NHSL2: variants seen among roughly 807,000 people sequenced by gnomAD.
NHSL2 encodes NHS like 2, also known as NHS-like protein 2.
NHSL2 carries 27 observed loss-of-function variants against 53.4 expected under a neutral mutation model. That is an observed-to-expected ratio of 0.51 (90% CI 0.37 to 0.70). The LOEUF (loss-of-function observed/expected upper bound fraction) is 0.70. Ranked by LOEUF, NHSL2 falls within the 30% of genes least tolerant of loss-of-function variation. The probability of loss-of-function intolerance (pLI) is 0.00; values close to 1 mark genes in which losing one functional copy is unlikely to be tolerated. For synonymous variants in NHSL2, 408 were observed against 404.1 expected, an observed-to-expected ratio of 1.01 and a Z score of -0.12; for missense variants, 892 against 980.1, an observed-to-expected ratio of 0.91 and a Z score of 1.20.
rs886801063 is a variant in NHSL2 at position 72,046,451 on chromosome X, G to A, written c.281-85628G>A. 9.8e-5 allele frequency among the ~76,000 whole-genome samples: 11 copies of A among 112,378 alleles called. No homozygotes were observed. The Admixed American group carries it at 1.0e-3, about 11-fold the overall frequency. ...ATACTCCTTGTACCTCCTGAGGGCT[G>A]ATATGAGAGCAAACTAACTAATCAG... is the stretch of plus-strand genomic sequence containing the variant. On this transcript the variant is annotated intron_variant, in intron 1 of 7. Transcript: ENST00000633930.
At chrX:71,983,013 T>G (rs775116871) in intron 1 of NHSL2, among the ~76,000 whole-genome samples, 1 of 111,801 alleles carries the variant, frequency 8.9e-6, no homozygotes, top group Admixed American at 9.5e-5. Flanking sequence ...TGGGATATGA[T>G]GCTATCTTCA....
Position 71,964,025 on chromosome X carries a change from G to GTATATACATATATATA in NHSL2, c.280+52659_280+52660insATATACATATATATAT, listed in dbSNP as rs2041886704. ...CATATATATATGTATATATATATATGTGTATATATATATATATGTATATAT... is the reference window on the plus strand; with the variant it reads ...CATATATATATGTATATATATATATGTATATACATATATATATGTATATATATATATATGTATATAT... On this transcript the variant is annotated intron_variant, in intron 1 of 7. Transcript: ENST00000633930. Among the ~76,000 whole-genome samples the GTATATACATATATATA allele has an allele frequency of 4.8e-4, 3 of 6,261 alleles. 1 individual carries two copies. The highest frequency in any genetic ancestry group is 1.4e-3 in the Non-Finnish European group (3 of 2,155). 5.4% of individuals were successfully genotyped at this position (6,261 alleles called of 115,157 possible).
At chrX:71,916,718 T>C (rs1230785921) in intron 1 of NHSL2, among the ~76,000 whole-genome samples, 2 of 112,424 alleles carry the variant, frequency 1.8e-5, no homozygotes, top group Non-Finnish European at 3.8e-5. Context: ...AGATGGAATT[T>C]GGACTTTTAG....
intron 1 of NHSL2, among the ~76,000 whole-genome samples, chrX:71,984,167 C>G (rs2041992831): frequency 9.0e-6 from 1 of 111,400 alleles, no homozygotes. Context: ...TCCTGTCTAA[C>G]TATTAGATCT....
chrX:72,139,080 A>G lies in NHSL2; in HGVS notation c.1532A>G (p.Asp511Gly), dbSNP rs148063883. Residue 511 changes from aspartate (D) to glycine (G), a missense_variant, in exon 6 of 8, where the codon GAC (aspartate) becomes GGC (glycine). Transcript: ENST00000633930. ...ACAGACTCAGGCACCACAGATGTGGACTATGATGAGGAGCAGAAGGCCAAT... is the reference window on the plus strand; with the variant it reads ...ACAGACTCAGGCACCACAGATGTGGGCTATGATGAGGAGCAGAAGGCCAAT... ...VPTDSGTTDV[D>G]YDEEQKANEA... 3.4e-6 allele frequency: 4 copies of G among 1,168,673 alleles called. No homozygotes were observed. The African/African-American group carries it at 7.1e-5, about 21-fold the overall frequency.
chrX:71,945,420 G>C, intron 1 of NHSL2, among the ~76,000 whole-genome samples: 1 of 111,966 alleles, frequency 8.9e-6, no homozygotes, highest in African/African-American at 3.2e-5. Context: ...GTGCGTTACT[G>C]TGTGGAGACC....
At position 72,143,678 on chromosome X, in the gene NHSL2, CTTTTA is replaced by C; in HGVS notation, c.*106_*110del. 1.9e-6 allele frequency: 1 copy of C among 519,174 alleles called. No homozygotes were observed. Among genetic ancestry groups the C allele is most frequent in the Admixed American group, 4.2e-5 (1 of 24,088 alleles). 42.8% of individuals were successfully genotyped at this position (519,174 alleles called of 1,213,427 possible). A position where few individuals can be genotyped will look rare whatever the true frequency, so the allele number is the denominator to read the frequency against. On this transcript the variant is annotated 3_prime_UTR_variant, in exon 8 of 8. Transcript: ENST00000633930. ...CATGGGAACAACAGAGCCTACATTT[CTTTTA>C]TATTAACTCACACTCTGGACAGCAG...
intron 1 of NHSL2, among the ~76,000 whole-genome samples, chrX:72,057,034 T>G (rs1213481048): frequency 8.9e-6 from 1 of 112,609 alleles, no homozygotes; most frequent in Non-Finnish European, 1.9e-5. Flanking sequence ...GAACCCAGGC[T>G]GGAGCACGTT....
At chrX:72,074,555 G>A (rs140922302) in intron 1 of NHSL2, among the ~76,000 whole-genome samples, 205 of 112,297 alleles carry the variant, frequency 1.8e-3, no homozygotes, top group Admixed American at 4.8e-3. Flanking sequence ...GGGGCCAATC[G>A]TGATATGCCC....
intron 1 of NHSL2, among the ~76,000 whole-genome samples, chrX:72,107,369 G>A (rs1359400201): frequency 8.9e-6 from 1 of 112,555 alleles, no homozygotes; most frequent in East Asian, 2.8e-4. Flanking sequence ...GGTCCCAATG[G>A]ATGAATCAGC....
intron 1 of NHSL2, among the ~76,000 whole-genome samples, chrX:72,104,693 T>C (rs988428822): frequency 1.8e-5 from 2 of 111,232 alleles, no homozygotes; most frequent in African/African-American, 6.6e-5. Context: ...TTTAAGTATA[T>C]TAAATTTGAG....
chrX:72,139,600 C>T lies in NHSL2; in HGVS notation c.2052C>T (p.Ala684=). 8.3e-7 allele frequency: 1 copy of T among 1,210,823 alleles called. No homozygotes were observed. Among genetic ancestry groups the T allele is most frequent in the Admixed American group, 2.2e-5 (1 of 46,044 alleles). Reference sequence around the variant, plus strand: ...TTGCCTCACCTTCCACCTCCAGAGCCACTACACCTTCCCAACTCTCCATTG... The same window carrying T: ...TTGCCTCACCTTCCACCTCCAGAGCTACTACACCTTCCCAACTCTCCATTG... ...ESLASPSTSR[A]TTPSQLSIEV... Residue 684 remains alanine, a synonymous_variant, in exon 6 of 8, where the codon GCC becomes GCT. Transcript: ENST00000633930.
Position 72,143,678 on chromosome X carries a change from C to G in NHSL2, c.*104C>G. 1.9e-6 allele frequency: 1 copy of G among 519,174 alleles called. No homozygotes were observed. The highest frequency in any genetic ancestry group is 3.1e-6 in the Non-Finnish European group (1 of 317,922). 42.8% of individuals were successfully genotyped at this position (519,174 alleles called of 1,213,427 possible). ...CATGGGAACAACAGAGCCTACATTT[C>G]TTTTATATTAACTCACACTCTGGAC... On this transcript the variant is annotated 3_prime_UTR_variant, in exon 8 of 8. Coordinates refer to ENST00000633930, the MANE Select transcript of NHSL2 (RefSeq NM_001013627.3).
rs1445243753 is a variant in NHSL2, at chrX:72,139,448, T to G, written c.1900T>G (p.Phe634Val). Residue 634 changes from phenylalanine to valine, a missense_variant, in exon 6 of 8, where the codon TTC (phenylalanine) becomes GTC (valine). Transcript: ENST00000633930. ...PNHKDPESTQ[F>V]SHHWYLTDWK... ...CCACAAAGATCCAGAAAGTACACAATTCTCCCACCACTGGTATCTTACTGA... is the reference window on the plus strand; with the variant it reads ...CCACAAAGATCCAGAAAGTACACAAGTCTCCCACCACTGGTATCTTACTGA... 1 of 1,210,436 alleles carries G rather than the reference T, an allele frequency of 8.3e-7. No individual in the cohort carries two copies. Among genetic ancestry groups the G allele is most frequent in the Non-Finnish European group, 1.1e-6 (1 of 894,756 alleles).
intron 1 of NHSL2, among the ~76,000 whole-genome samples, chrX:71,947,328 G>C (rs943812692): frequency 1.8e-5 from 2 of 111,976 alleles, no homozygotes; most frequent in African/African-American, 6.5e-5. Flanking sequence ...ATGGGCCTCC[G>C]TTCCTAACCT....
At chrX:72,074,297 A>T (rs951193016) in intron 1 of NHSL2, among the ~76,000 whole-genome samples, 6 of 112,732 alleles carry the variant, frequency 5.3e-5, no homozygotes, top group Non-Finnish European at 1.1e-4. Context: ...TCACAAGTTT[A>T]TTGAATTCTC....
chrX:72,140,972 G>A (rs1411290400), intron 6 of NHSL2: 2 of 362,847 alleles, frequency 5.5e-6, no homozygotes, highest in East Asian at 4.6e-5. Flanking sequence ...CTAGCCCGAG[G>A]CAGATCTCCA....
chrX:72,131,101 G>C lies in NHSL2; in HGVS notation c.281-978G>C, dbSNP rs767467207. The C allele has an allele frequency of 1.6e-5, 19 of 1,204,943 alleles. No individual in the cohort carries two copies. In the East Asian group the frequency reaches 1.8e-4, roughly 11 times the overall value. On this transcript the variant is annotated intron_variant, in intron 1 of 7. Transcript: ENST00000633930. The stretch of plus-strand genomic sequence containing the variant: ...GGGCTCTATCTCAGGCCGCTCCAGC[G>C]GTGCCAGAGGGGGTTGCGGGGGCGG...
At chrX:72,052,779 TGG>T (rs1025826282) in intron 1 of NHSL2, among the ~76,000 whole-genome samples, 5 of 111,516 alleles carry the variant, frequency 4.5e-5, no homozygotes, top group African/African-American at 9.8e-5. Context: ...AAAGGGTAGG[TGG>T]GGGCCTCTCC....
Sources: gnomAD v4.1 joint callset for allele counts (sites outside exome capture counted in the v4.1 genomes callset) on GRCh38, gnomAD v4.1.1 for gene constraint, MANE v1.5 for transcripts, NCBI Gene and HGNC (gene_info 2026-07-23, HGNC 2026-07-21) for gene names.